Variants in SLC30A8 observed in about 807,000 individuals in gnomAD.
SLC30A8 encodes the protein proton-coupled zinc antiporter SLC30A8.
Under a neutral mutation model 36.9 loss-of-function variants are expected in SLC30A8, and 27 were observed. That is an observed-to-expected ratio of 0.73 (90% CI 0.54 to 1.01). The LOEUF (loss-of-function observed/expected upper bound fraction) is 1.01, where lower values mean the gene tolerates loss of function less well. SLC30A8 is among the 50% of genes least tolerant of loss of function. The probability of loss-of-function intolerance (pLI) is 0.00; values close to 1 mark genes in which losing one functional copy is unlikely to be tolerated. For missense variants in SLC30A8, 439 were observed against 452.0 expected (o/e 0.97, Z 0.26); for synonymous variants, 164 against 172.4 (o/e 0.95, Z 0.38).
intron 1 of SLC30A8, among the ~76,000 whole-genome samples, chr8:116,996,513 A>G (rs1458421718): frequency 2.0e-5 from 3 of 151,882 alleles, no homozygotes; most frequent in Non-Finnish European, 4.4e-5. Flanking sequence ...CTTAAAATCT[A>G]CTCTTAGCTA....
chr8:117,124,853 A>C (rs1820837180), intron 2 of SLC30A8, among the ~76,000 whole-genome samples: 2 of 151,726 alleles, frequency 1.3e-5, no homozygotes, highest in African/African-American at 4.8e-5. Flanking sequence ...GGATGACGGG[A>C]TCCATACCCA....
At chr8:117,121,882 G>A (rs1820709197) in intron 2 of SLC30A8, among the ~76,000 whole-genome samples, 1 of 151,878 alleles carries the variant, frequency 6.6e-6, no homozygotes, top group African/African-American at 2.4e-5. Context: ...TGAAGTTTCA[G>A]TTAAGCAACA....
At chr8:117,036,230 A>G (rs1411170033) in intron 1 of SLC30A8, among the ~76,000 whole-genome samples, 1 of 152,154 alleles carries the variant, frequency 6.6e-6, no homozygotes, top group Non-Finnish European at 1.5e-5. Flanking sequence ...AGAACACCTC[A>G]GCCTGAAGTT....
At chr8:117,022,051 TTAGCCGGGCATAGTGGCCGGCACCTG>T (rs1371947465) in intron 1 of SLC30A8, among the ~76,000 whole-genome samples, 1 of 151,814 alleles carries the variant, frequency 6.6e-6, no homozygotes, top group African/African-American at 2.4e-5. Context: ...TACAAAAAAA[TTAGCCGGGCATAGTGGCCGGCACCTG>T]TAGTCCCAGC....
chr8:117,161,571 A>G (rs1822790578), intron 4 of SLC30A8, among the ~76,000 whole-genome samples, 167 bp from the exon 5 acceptor site: 1 of 152,240 alleles, frequency 6.6e-6, no homozygotes, highest in Non-Finnish European at 1.5e-5. Context: ...TTAAAATTCT[A>G]TGACATATGT....
chr8:117,084,025 T>G (rs984399860), intron 2 of SLC30A8, among the ~76,000 whole-genome samples: 1 of 152,154 alleles, frequency 6.6e-6, no homozygotes, highest in African/African-American at 2.4e-5. Flanking sequence ...ACAGAGCCCT[T>G]ATATATTCAG....
intron 2 of SLC30A8, among the ~76,000 whole-genome samples, chr8:117,085,855 G>A (rs1230404196): frequency 6.6e-6 from 1 of 152,120 alleles, no homozygotes; most frequent in Non-Finnish European, 1.5e-5. Flanking sequence ...GCCACAAGGA[G>A]CTTATGTGAG....
intron 2 of SLC30A8, among the ~76,000 whole-genome samples, chr8:117,080,387 C>T (rs777408440): frequency 6.6e-6 from 1 of 151,854 alleles, no homozygotes; most frequent in Non-Finnish European, 1.5e-5. Context: ...GTAACAAACA[C>T]AGGTTTGTTA....
At chr8:117,139,169 G>A (rs1462364108) in intron 1 of SLC30A8, among the ~76,000 whole-genome samples, 1 of 152,058 alleles carries the variant, frequency 6.6e-6, no homozygotes, top group Non-Finnish European at 1.5e-5. Context: ...CTATAAAGAA[G>A]CCTGTTATAG....
intron 6 of SLC30A8, among the ~76,000 whole-genome samples, chr8:117,168,675 T>A (rs1823193571): frequency 6.6e-6 from 1 of 152,162 alleles, no homozygotes. Context: ...GGATCATGAC[T>A]TAATTTCAAA....
intron 1 of SLC30A8, among the ~76,000 whole-genome samples, chr8:117,142,800 G>C (rs1480557876): frequency 6.6e-6 from 1 of 152,030 alleles, no homozygotes; most frequent in Middle Eastern, 3.2e-3. Context: ...TATAGCCTCT[G>C]TTACTATTGA....
At chr8:117,100,276 G>A (rs1267593661) in intron 2 of SLC30A8, among the ~76,000 whole-genome samples, 1 of 151,948 alleles carries the variant, frequency 6.6e-6, no homozygotes, top group Admixed American at 6.6e-5. Context: ...AAGGATGTAA[G>A]TTGTTAAGTA....
chr8:117,106,354 G>T (rs1038277593), intron 2 of SLC30A8, among the ~76,000 whole-genome samples: 1 of 152,030 alleles, frequency 6.6e-6, no homozygotes, highest in African/African-American at 2.4e-5. Context: ...TGCAATTGTG[G>T]TACAAAATTC....
chr8:117,080,798 C>T (rs950162184), intron 2 of SLC30A8, among the ~76,000 whole-genome samples: 2 of 152,104 alleles, frequency 1.3e-5, no homozygotes, highest in East Asian at 1.9e-4. Flanking sequence ...AATGAACACA[C>T]GGGTACATGC....
At chr8:117,021,302 T>C (rs1816688513) in intron 1 of SLC30A8, among the ~76,000 whole-genome samples, 1 of 152,174 alleles carries the variant, frequency 6.6e-6, no homozygotes, top group Non-Finnish European at 1.5e-5. Flanking sequence ...ATAACACAAC[T>C]TTTCTCTATT....
chr8:117,047,125 G>A (rs982429278), intron 2 of SLC30A8, among the ~76,000 whole-genome samples: 3 of 152,188 alleles, frequency 2.0e-5, no homozygotes, highest in African/African-American at 7.2e-5. Context: ...AGGCTAAATA[G>A]CATTAGCAGG....
chr8:116,987,269 AC>A (rs1815476061), intron 1 of SLC30A8, among the ~76,000 whole-genome samples: 1 of 129,764 alleles, frequency 7.7e-6, no homozygotes, highest in Admixed American at 8.6e-5. Context: ...GGGGAACATC[AC>A]ACACCGGAGC....
At chr8:117,088,037 G>A (rs140348158) in intron 2 of SLC30A8, among the ~76,000 whole-genome samples, 271 of 151,942 alleles carry the variant, frequency 1.8e-3, no homozygotes, top group African/African-American at 6.2e-3. Context: ...ATGATTGAAT[G>A]GAGAGAGGGA....
intron 2 of SLC30A8, among the ~76,000 whole-genome samples, chr8:117,111,500 A>G (rs1328862237): frequency 1.3e-5 from 2 of 151,990 alleles, no homozygotes; most frequent in Admixed American, 1.3e-4. Context: ...GTGGGGCTCC[A>G]TTTTCCAGAC....
Sources: gnomAD v4.1 joint callset for allele counts (sites outside exome capture counted in the v4.1 genomes callset) on GRCh38, gnomAD v4.1.1 for gene constraint, MANE v1.5 for transcripts, NCBI Gene and HGNC (gene_info 2026-07-23, HGNC 2026-07-21) for gene names.